RNASEH1: variants seen among roughly 807,000 people sequenced by gnomAD.
The protein encoded by RNASEH1 is ribonuclease H type II.
A neutral mutation model predicts 34.6 loss-of-function variants in RNASEH1; 27 were observed. The ratio of observed to expected loss-of-function variants is 0.78; its 90% confidence interval spans 0.58 to 1.08. The LOEUF is 1.08. Ranked by LOEUF, RNASEH1 falls within the 50% of genes least tolerant of loss-of-function variation. The pLI, the probability that RNASEH1 is intolerant of heterozygous loss-of-function variation, is 0.00. For missense variants in RNASEH1, 349 were observed against 373.6 expected (o/e 0.93, Z 0.54); for synonymous variants, 162 against 138.4 (o/e 1.17, Z -1.20).
chr2:3,545,761 T>C lies in RNASEH1; in HGVS notation c.*24A>G. ...GCAAGACAGCCGCTGGCTCAAGTTCTCCCAAGGACTAAAGTCACATGGCTC... is the reference window on the plus strand; with the variant it reads ...GCAAGACAGCCGCTGGCTCAAGTTCCCCCAAGGACTAAAGTCACATGGCTC... On this transcript the variant is annotated 3_prime_UTR_variant, in exon 8 of 8. Transcript: ENST00000315212. 6.4e-6 allele frequency: 10 copies of C among 1,560,236 alleles called. No homozygotes were observed. The highest frequency in any genetic ancestry group is 8.8e-6 in the Non-Finnish European group (10 of 1,130,830).
At chr2:3,551,492 T>A (rs1051480793) in intron 3 of RNASEH1, among the ~76,000 whole-genome samples, 1 of 152,274 alleles carries the variant, frequency 6.6e-6, no homozygotes, top group Non-Finnish European at 1.5e-5. Context: ...ACTTGTTTGA[T>A]CTTTTTTTAC....
the RNASEH1 span, among the ~76,000 whole-genome samples, chr2:3,534,796 C>T: frequency 0.017 from 2,539 of 152,322 alleles, 41 homozygotes; most frequent in South Asian, 0.061. Context: ...TCCTGTGCCA[C>T]ATCCACACAA....
the RNASEH1 span, among the ~76,000 whole-genome samples, chr2:3,535,938 G>GT: frequency 4.6e-5 from 7 of 152,202 alleles, no homozygotes; most frequent in Non-Finnish European, 8.8e-5. Flanking sequence ...ACTGAACAGG[G>GT]TAGGACACAC....
At chr2:3,533,971 G>A in the RNASEH1 span, 4 of 152,210 alleles carry the variant, frequency 2.6e-5, no homozygotes, top group Non-Finnish European at 4.4e-5. Context: ...TTAAGTCCAC[G>A]ACCTTTTAGC....
intron 7 of RNASEH1, among the ~76,000 whole-genome samples, chr2:3,547,609 T>G (rs1668882346): frequency 6.6e-6 from 1 of 151,868 alleles, no homozygotes. Flanking sequence ...TGCCTCAGCC[T>G]CCTGAGTAGC....
In RNASEH1 at chr2:3,550,139, T is replaced by C. The variant is rs1468138417; in HGVS notation, c.509+234A>G. On this transcript the variant is annotated intron_variant, in intron 4 of 7. Coordinates refer to ENST00000315212, the MANE Select transcript of RNASEH1 (RefSeq NM_002936.6). ...TCCTGGGCAACAGTGTGAGACCGTG[T>C]CTTAAAAAAAAAAAAAAAAAAAAAA... 1.5e-4 allele frequency: 62 copies of C among 424,442 alleles called. No individual in the cohort carries two copies. In the East Asian group the frequency reaches 2.3e-3, roughly 16 times the overall value. The allele number at this position is 424,442 out of a possible 1,614,324, so 26.3% of individuals were successfully genotyped here. A position where few individuals can be genotyped will look rare whatever the true frequency, so the allele number is the denominator to read the frequency against.
At chr2:3,552,490 C>T (rs1203137820) in intron 2 of RNASEH1, among the ~76,000 whole-genome samples, 182 bp from the exon 3 acceptor site, 1 of 144,590 alleles carries the variant, frequency 6.9e-6, no homozygotes, top group African/African-American at 2.6e-5. Flanking sequence ...CCACCCCCTC[C>T]ACGCCATCTC....
chr2:3,542,860 C>A lies in RNASEH1; in HGVS notation c.*2925G>T, dbSNP rs1449137440. Among the ~76,000 whole-genome samples the A allele has an allele frequency of 6.6e-6, 1 of 152,080 alleles. No individual in the cohort carries two copies. Among genetic ancestry groups the A allele is most frequent in the Non-Finnish European group, 1.5e-5 (1 of 68,018 alleles). ...AATATAGGCTCAGAAAATATTCTTC[C>A]TTTAAATATGTGTGTGCAATGTTTG... On this transcript the variant is annotated 3_prime_UTR_variant, in exon 8 of 8. Transcript: ENST00000315212.
chr2:3,548,570 T>TA (rs1241719750), intron 6 of RNASEH1, 70 bp downstream of exon 6: 1 of 1,074,252 alleles, frequency 9.3e-7, no homozygotes, highest in East Asian at 2.4e-5. Context: ...CCTGCCCTGT[T>TA]ACAACACCTC....
intron 1 of RNASEH1, 187 bp downstream of exon 1, chr2:3,557,946 C>A: frequency 6.6e-7 from 1 of 1,525,100 alleles, no homozygotes. Flanking sequence ...CGTTCCAGTC[C>A]CAGGCCATGA....
In RNASEH1 at chr2:3,544,210, C is replaced by T. The variant is rs1297864883; in HGVS notation, c.*1575G>A. Among the ~76,000 whole-genome samples the T allele has an allele frequency of 1.3e-5, 2 of 152,204 alleles. No individual in the cohort carries two copies. The highest frequency in any genetic ancestry group is 2.9e-5 in the Non-Finnish European group (2 of 68,046). On this transcript the variant is annotated 3_prime_UTR_variant, in exon 8 of 8. Transcript: ENST00000315212. The stretch of plus-strand genomic sequence containing the variant: ...AGCATCAGCTGCCGTCAACATGGTA[C>T]TTTCCTGAGGAAAGCTCCTAACCGC...
Position 3,544,396 on chromosome 2 carries a change from T to TC in RNASEH1, c.*1388dup. On this transcript the variant is annotated 3_prime_UTR_variant, in exon 8 of 8. Coordinates refer to ENST00000315212, the MANE Select transcript of RNASEH1 (RefSeq NM_002936.6). Reference sequence around the variant, plus strand: ...CCATGGGACAAACAGCCCAGGCTCTTCAACAGATAAACGGCAGGGAAAACA... The same window carrying TC: ...CCATGGGACAAACAGCCCAGGCTCTTCCAACAGATAAACGGCAGGGAAAACA... 6.6e-6 allele frequency among the ~76,000 whole-genome samples: 1 copy of TC among 152,128 alleles called. No individual in the cohort carries two copies. Among genetic ancestry groups the TC allele is most frequent in the Admixed American group, 6.5e-5 (1 of 15,272 alleles).
chr2:3,545,393 G>A lies in RNASEH1; in HGVS notation c.*392C>T, dbSNP rs1300270293. 3 of 201,300 alleles carry A rather than the reference G, an allele frequency of 1.5e-5. No homozygotes were observed. Among genetic ancestry groups the A allele is most frequent in the South Asian group, 1.8e-4 (2 of 10,940 alleles). The allele number at this position is 201,300 out of a possible 1,614,324, so 12.5% of individuals were successfully genotyped here. A position where few individuals can be genotyped will look rare whatever the true frequency, so the allele number is the denominator to read the frequency against. ...GGAGACTCAAACCTGTCAACTGGAC[G>A]GTAAATGGATGCTTTCAGAATACTT... On this transcript the variant is annotated 3_prime_UTR_variant, in exon 8 of 8. Coordinates refer to ENST00000315212, the MANE Select transcript of RNASEH1 (RefSeq NM_002936.6).
At chr2:3,557,833 T>C (rs1340837794) in intron 1 of RNASEH1, 3 of 1,369,444 alleles carry the variant, frequency 2.2e-6, no homozygotes, top group Non-Finnish European at 2.9e-6. Context: ...TCACTTTTTG[T>C]TGCACTTTAA....
Position 3,558,191 on chromosome 2 carries a change from C to G in RNASEH1, c.70G>C (p.Gly24Arg). Residue 24 changes from glycine to arginine, a missense_variant, in exon 1 of 8, where the codon GGG (glycine) becomes CGG (arginine). Physicochemically the swap from Gly to Arg is moderately radical, Grantham distance 125 (BLOSUM62 -2). Transcript: ENST00000315212. ...CTCACGGCATAGAACATCCCGAACC[C>G]GCGAGAGCCGCGGCGGCAGGGCAAG... ...AALPCRRGSR[G>R]FGMFYAVRRG... 4.4e-6 allele frequency: 7 copies of G among 1,601,556 alleles called. No individual in the cohort carries two copies. Among genetic ancestry groups the G allele is most frequent in the Non-Finnish European group, 6.0e-6 (7 of 1,175,828 alleles).
downstream of RNASEH1, chr2:3,536,908 GC>G (rs1219931390): frequency 6.6e-6 from 1 of 152,242 alleles, no homozygotes; most frequent in Non-Finnish European, 1.5e-5. Flanking sequence ...CCGGGAGAGT[GC>G]CCCTGCAGGC....
intron 3 of RNASEH1, among the ~76,000 whole-genome samples, chr2:3,551,414 G>A (rs1460471823): frequency 1.3e-5 from 2 of 152,178 alleles, no homozygotes; most frequent in Admixed American, 6.5e-5. Flanking sequence ...GTCTGGAAAC[G>A]GCTCATCTCC....
At chr2:3,533,398 C>A in the RNASEH1 span, 1 of 152,330 alleles carries the variant, frequency 6.6e-6, no homozygotes, top group African/African-American at 2.4e-5. Flanking sequence ...CCTCCCACTA[C>A]AGCCACCTCC....
chr2:3,533,828 G>C, the RNASEH1 span: 2 of 152,278 alleles, frequency 1.3e-5, no homozygotes, highest in Admixed American at 6.5e-5. Flanking sequence ...ATGACGACTG[G>C]ATAAGCGAAG....
Sources: gnomAD v4.1 joint callset for allele counts (sites outside exome capture counted in the v4.1 genomes callset) on GRCh38, gnomAD v4.1.1 for gene constraint, MANE v1.5 for transcripts, NCBI Gene and HGNC (gene_info 2026-07-23, HGNC 2026-07-21) for gene names.